Variants in ZCWPW2 observed in about 807,000 individuals in gnomAD.
ZCWPW2 encodes the protein zinc finger CW-type and PWWP domain containing 2, also known as zinc finger CW-type PWWP domain protein 2.
ZCWPW2 carries 45 observed loss-of-function variants against 46.6 expected under a neutral mutation model. The ratio of observed to expected loss-of-function variants is 0.96; its 90% CI spans 0.76 to 1.24. ZCWPW2 has a LOEUF of 1.24. Among genes scored for constraint, ZCWPW2 ranks in the 50% most tolerant of loss-of-function variants. The pLI, the probability that ZCWPW2 is intolerant of heterozygous loss-of-function variation, is 0.00. For missense variants in ZCWPW2, 429 were observed against 403.9 expected (o/e 1.06, Z -0.53); for synonymous variants, 152 against 137.1 (o/e 1.11, Z -0.76).
chr3:28,425,748 A>G lies in ZCWPW2; in HGVS notation c.333-9362A>G, dbSNP rs377249258. Among the ~76,000 whole-genome samples, 47 of 152,356 alleles carry G rather than the reference A, an allele frequency of 3.1e-4. 1 individual carries two copies. The East Asian group carries it at 5.0e-3, about 16-fold the overall frequency. On this transcript the variant is annotated intron_variant, in intron 3 of 9. Coordinates refer to ENST00000383768, the MANE Select transcript of ZCWPW2 (RefSeq NM_001040432.4). ...CTTTTCCTATGTGCAGACTCCAGGAATAATCAAATTATAACAGTTATATCT... is the reference window on the plus strand; with the variant it reads ...CTTTTCCTATGTGCAGACTCCAGGAGTAATCAAATTATAACAGTTATATCT...
rs115577294 is a variant in ZCWPW2, at chr3:28,462,858, G to A, written c.493-15956G>A. ...AGAAATAGCACAAACCTTGTTCAGC[G>A]AGTCCAAAGTTATTGAAAAGAGACA... is the stretch of plus-strand genomic sequence containing the variant. On this transcript the variant is annotated intron_variant, in intron 4 of 9. Transcript: ENST00000383768. 1.8e-3 allele frequency among the ~76,000 whole-genome samples: 270 copies of A among 152,188 alleles called. 1 individual carries two copies. The highest frequency in any genetic ancestry group is 6.3e-3 in the African/African-American group (261 of 41,506).
At chr3:28,375,054 T>C (rs1705457800) in intron 1 of ZCWPW2, among the ~76,000 whole-genome samples, 1 of 152,086 alleles carries the variant, frequency 6.6e-6, no homozygotes, top group South Asian at 2.1e-4. Context: ...ATCCTCTTGC[T>C]GAATTCACGC....
chr3:28,444,114 T>A (rs1385592901), intron 4 of ZCWPW2, among the ~76,000 whole-genome samples: 1 of 152,184 alleles, frequency 6.6e-6, no homozygotes, highest in Non-Finnish European at 1.5e-5. Flanking sequence ...TTCAGCCTGA[T>A]CAAATTCTGT....
chr3:28,417,110 A>C (rs1490335394), intron 3 of ZCWPW2, among the ~76,000 whole-genome samples: 1 of 150,152 alleles, frequency 6.7e-6, no homozygotes, highest in Admixed American at 6.7e-5. Flanking sequence ...CGCTAGGAAG[A>C]CTAATAAAGA....
rs1443024623 is a variant in ZCWPW2, at chr3:28,365,609, A to G, written c.-134+16406A>G. Among the ~76,000 whole-genome samples the G allele has an allele frequency of 1.2e-4, 17 of 141,178 alleles. 5 individuals carry two copies. Among genetic ancestry groups the G allele is most frequent in the Non-Finnish European group, 2.4e-4 (15 of 63,126 alleles). The allele number at this position is 141,178 out of a possible 152,430, so 92.6% of individuals were successfully genotyped here. ...GCCTCCAGCTTTGTTCTTTTGGCTTAGGATTGACTTGGCAATGCGGGCTCT... is the reference window on the plus strand; with the variant it reads ...GCCTCCAGCTTTGTTCTTTTGGCTTGGGATTGACTTGGCAATGCGGGCTCT... On this transcript the variant is annotated intron_variant, in intron 1 of 9. Coordinates refer to ENST00000383768, the MANE Select transcript of ZCWPW2 (RefSeq NM_001040432.4).
At chr3:28,494,365 A>G (rs1699916642) in intron 6 of ZCWPW2, among the ~76,000 whole-genome samples, 1 of 119,188 alleles carries the variant, frequency 8.4e-6, no homozygotes, top group Admixed American at 9.1e-5. Flanking sequence ...AGCTTTCTAC[A>G]TATGGCTAGC....
chr3:28,366,818 A>C (rs1705135071), intron 1 of ZCWPW2, among the ~76,000 whole-genome samples: 1 of 152,176 alleles, frequency 6.6e-6, no homozygotes. Flanking sequence ...CCTCAATTTC[A>C]GAGCCTGTTA....
chr3:28,445,391 A>C (rs953225053), intron 4 of ZCWPW2, among the ~76,000 whole-genome samples: 6 of 152,050 alleles, frequency 3.9e-5, no homozygotes, highest in African/African-American at 1.4e-4. Context: ...TAAAGATGAA[A>C]TTTCGTGACA....
chr3:28,429,437 C>G (rs1022213799), intron 3 of ZCWPW2, among the ~76,000 whole-genome samples: 1 of 152,020 alleles, frequency 6.6e-6, no homozygotes, highest in African/African-American at 2.4e-5. Context: ...TATTCATTCA[C>G]AAAGATATGG....
chr3:28,375,857 T>A (rs1208462255), intron 1 of ZCWPW2, among the ~76,000 whole-genome samples: 4 of 152,098 alleles, frequency 2.6e-5, no homozygotes, highest in Non-Finnish European at 5.9e-5. Context: ...ATTGTTTTGA[T>A]TTTTAGATCA....
intron 4 of ZCWPW2, among the ~76,000 whole-genome samples, chr3:28,455,745 C>G (rs1236739144): frequency 6.6e-6 from 1 of 152,100 alleles, no homozygotes; most frequent in Non-Finnish European, 1.5e-5. Flanking sequence ...ATAGGGAATC[C>G]TTTCCCCAGT....
At chr3:28,453,850 TTA>T (rs1416964187) in intron 4 of ZCWPW2, among the ~76,000 whole-genome samples, 1 of 147,250 alleles carries the variant, frequency 6.8e-6, no homozygotes, top group Non-Finnish European at 1.5e-5. Flanking sequence ...TTTTTTATTA[TTA>T]TTTTTTTTTT....
intron 6 of ZCWPW2, among the ~76,000 whole-genome samples, chr3:28,493,094 T>C (rs1699871230): frequency 8.7e-6 from 1 of 115,100 alleles, no homozygotes; most frequent in Admixed American, 9.4e-5. Context: ...TCTTGGCTTT[T>C]CTTTTTTTTT....
chr3:28,502,846 T>A (rs1484271366), intron 6 of ZCWPW2, among the ~76,000 whole-genome samples: 1 of 152,118 alleles, frequency 6.6e-6, no homozygotes, highest in African/African-American at 2.4e-5. Context: ...GCGGTTTGTC[T>A]GAGAAAATTC....
At chr3:28,446,277 C>T (rs1234915964) in intron 4 of ZCWPW2, among the ~76,000 whole-genome samples, 1 of 152,046 alleles carries the variant, frequency 6.6e-6, no homozygotes, top group Non-Finnish European at 1.5e-5. Flanking sequence ...TGATGGACTA[C>T]AAATTATGTC....
chr3:28,491,414 A>T (rs1053156617), intron 5 of ZCWPW2, among the ~76,000 whole-genome samples: 1 of 152,126 alleles, frequency 6.6e-6, no homozygotes, highest in African/African-American at 2.4e-5. Context: ...TTTTTTATGA[A>T]CTATTTCATT....
At chr3:28,421,256 T>G (rs542810898) in intron 3 of ZCWPW2, among the ~76,000 whole-genome samples, 59 of 152,208 alleles carry the variant, frequency 3.9e-4, no homozygotes, top group African/African-American at 1.3e-3. Context: ...GATGACCTTT[T>G]TATTGTTGCC....
At chr3:28,443,409 T>C (rs1697848863) in intron 4 of ZCWPW2, among the ~76,000 whole-genome samples, 1 of 152,114 alleles carries the variant, frequency 6.6e-6, no homozygotes. Flanking sequence ...CTGGCTCAAG[T>C]CTGGAAATTG....
At chr3:28,435,304 G>A in intron 4 of ZCWPW2, 35 bp downstream of exon 4, 2 of 1,549,068 alleles carry the variant, frequency 1.3e-6, no homozygotes, top group Non-Finnish European at 1.7e-6. Context: ...TATTCTTCTT[G>A]CACTTATTTT....
Sources: gnomAD v4.1 joint callset for allele counts (sites outside exome capture counted in the v4.1 genomes callset) on GRCh38, gnomAD v4.1.1 for gene constraint, MANE v1.5 for transcripts, NCBI Gene and HGNC (gene_info 2026-07-23, HGNC 2026-07-21) for gene names.